The following PTGS2 variants were observed in gnomAD, a reference collection of about 807,000 sequenced individuals.
PTGS2 encodes the protein prostaglandin G/H synthase 2.
PTGS2 carries 14 observed loss-of-function variants against 63.8 expected under a neutral mutation model. That is an observed-to-expected ratio of 0.22 (90% CI 0.14 to 0.34). PTGS2 has a LOEUF of 0.34. Among genes scored for constraint, PTGS2 ranks in the 10% least tolerant of loss-of-function variants. The pLI, the probability that PTGS2 is intolerant of heterozygous loss-of-function variation, is 1.00. For missense variants in PTGS2, 533 were observed against 738.5 expected (o/e 0.72, Z 3.23); for synonymous variants, 271 against 259.5 (o/e 1.04, Z -0.43).
At position 186,680,258 on chromosome 1, in the gene PTGS2, G is replaced by A. The variant is rs1290056894; in HGVS notation, c.33C>T (p.Val11=). MLARALLLCA[V]LALSHTANPC... Reference sequence around the variant, plus strand: ...ACTCACCTGTATGGCTGAGCGCCAGGACCGCGCACAGCAGCAGGGCGCGGG... The same window carrying A: ...ACTCACCTGTATGGCTGAGCGCCAGAACCGCGCACAGCAGCAGGGCGCGGG... The change falls in exon 1 of 10, where the codon GTC becomes GTT. Residue 11 remains valine (V), a synonymous_variant. Coordinates refer to ENST00000367468, the MANE Select transcript of PTGS2 (RefSeq NM_000963.4). The A allele has an allele frequency of 2.2e-5, 34 of 1,547,554 alleles. No homozygotes were observed. Among genetic ancestry groups the A allele is most frequent in the Non-Finnish European group, 3.0e-5 (34 of 1,145,584 alleles).
intron 8 of PTGS2, 122 bp from the exon 9 acceptor site, chr1:186,675,518 C>T: frequency 8.8e-7 from 1 of 1,131,994 alleles, no homozygotes; most frequent in Non-Finnish European, 1.2e-6. Context: ...TTTTTATTTG[C>T]TGGAAAGATG....
rs1665856068 is a variant in PTGS2 at position 186,680,287 on chromosome 1, G to T, written c.4C>A (p.Leu2Ile). ...GCGCACAGCAGCAGGGCGCGGGCGA[G>T]CATCGCAGCGGCGGGCAGGGCGCGG... M[L>I]ARALLLCAVL... Residue 2 changes from leucine (L) to isoleucine (I), a missense_variant, in exon 1 of 10, where the codon CTC becomes ATC. This residue lies in a region of PTGS2 where 118 missense variants were observed against 144.6 expected (regional missense o/e 0.82). Transcript: ENST00000367468. 2 of 1,543,416 alleles carry T rather than the reference G, an allele frequency of 1.3e-6. No homozygotes were observed. Among genetic ancestry groups the T allele is most frequent in the African/African-American group, 1.4e-5 (1 of 72,882 alleles).
intron 5 of PTGS2, 28 bp from the exon 6 acceptor site, chr1:186,676,944 T>A: frequency 6.4e-7 from 1 of 1,559,664 alleles, no homozygotes; most frequent in Non-Finnish European, 8.8e-7. Flanking sequence ...AATTTTAATT[T>A]GTTGCTGTTG....
At chr1:186,677,978 G>A (rs1665811107) in intron 4 of PTGS2, 148 bp from the exon 5 acceptor site, 1 of 731,352 alleles carries the variant, frequency 1.4e-6, no homozygotes, top group South Asian at 2.3e-5. Context: ...AAGATATGGT[G>A]GAACAACTTC....
intron 5 of PTGS2, among the ~76,000 whole-genome samples, chr1:186,677,123 G>A (rs771517865): frequency 7.9e-5 from 12 of 151,740 alleles, no homozygotes; most frequent in East Asian, 1.9e-4. Flanking sequence ...TGTGTTTAAC[G>A]GAATTAATAT....
At chr1:186,675,684 G>T in intron 8 of PTGS2, 1 of 616,682 alleles carries the variant, frequency 1.6e-6, no homozygotes, top group Non-Finnish European at 2.7e-6. Flanking sequence ...TATTTTTAAG[G>T]TAGGGGTACA....
At position 186,676,088 on chromosome 1, in the gene PTGS2, T is replaced by G. The variant is rs1665774748; in HGVS notation, c.1067A>C (p.Gln356Pro). 6.2e-7 allele frequency: 1 copy of G among 1,614,060 alleles called. No individual in the cohort carries two copies. The highest frequency in any genetic ancestry group is 1.3e-5 in the African/African-American group (1 of 74,942). The change falls in exon 8 of 10, where the codon CAA becomes CCA. Residue 356 changes from glutamine to proline, a missense_variant. This residue lies in a region of PTGS2 where 67 missense variants were observed against 152.6 expected (regional missense o/e 0.44). Transcript: ENST00000367468. ...AGCAATACGATTTTGGTACTGGAAT[T>G]GTTTGTTGAAAAGTAGTTCTGGGTC... ...KFDPELLFNK[Q>P]FQYQNRIAAE...
chr1:186,674,762 C>T lies in PTGS2; in HGVS notation c.1406G>A (p.Gly469Glu). 6.3e-7 allele frequency: 1 copy of T among 1,598,590 alleles called. No individual in the cohort carries two copies. The highest frequency in any genetic ancestry group is 8.5e-7 in the Non-Finnish European group (1 of 1,173,040). The change falls in exon 10 of 10, where the codon GGA becomes GAA. Residue 469 changes from glycine to glutamate, a missense_variant and splice_region_variant. This residue lies in a region of PTGS2 where 219 missense variants were observed against 267.4 expected (regional missense o/e 0.82). Coordinates refer to ENST00000367468, the MANE Select transcript of PTGS2 (RefSeq NM_000963.4). ...KPYESFEELTGEKEMSAELEA... is the reference protein window; with the variant it reads ...KPYESFEELTEEKEMSAELEA... ...CAACTCTGCAGACATTTCCTTTTCT[C>T]CTGTGAAGGCGATGAAGACAGAGAT...
chr1:186,677,510 G>A (rs997696437), intron 5 of PTGS2, 139 bp downstream of exon 5: 11 of 896,420 alleles, frequency 1.2e-5, no homozygotes, highest in Admixed American at 3.3e-5. Flanking sequence ...TTCCTTTAAG[G>A]TTTTTATAGA....
Position 186,674,359 on chromosome 1 carries a change from T to G in PTGS2, c.1809A>C (p.Glu603Asp). 6.2e-7 allele frequency: 1 copy of G among 1,604,566 alleles called. No homozygotes were observed. Among genetic ancestry groups the G allele is most frequent in the Non-Finnish European group, 8.5e-7 (1 of 1,172,964 alleles). Residue 603 changes from glutamate to aspartate, a missense_variant, in exon 10 of 10, where the codon GAA becomes GAC. Transcript: ENST00000367468. ...AAATATGATCATTAGACTTCTACAG[T>G]TCAGTCGAACGTTCTTTTAGTAGTA... ...PTVLLKERST[E>D]L
chr1:186,679,229 G>T lies in PTGS2; in HGVS notation c.170-28C>A, dbSNP rs771931145. 2.5e-6 allele frequency: 4 copies of T among 1,612,556 alleles called. No individual in the cohort carries two copies. In the East Asian group the frequency reaches 6.7e-5, roughly 27 times the overall value. On this transcript the variant is annotated intron_variant, in intron 2 of 9. Coordinates refer to ENST00000367468, the MANE Select transcript of PTGS2 (RefSeq NM_000963.4). ...GCAAGAAGACGAAGAAAGGGAGGGA[G>T]AAATTAATGGGACTCATTATAAGAC...
At chr1:186,678,140 G>C in intron 4 of PTGS2, 121 bp downstream of exon 4, 1 of 1,061,190 alleles carries the variant, frequency 9.4e-7, no homozygotes, top group Non-Finnish European at 1.3e-6. Flanking sequence ...AGATAACCAT[G>C]CTAAAAGTAA....
intron 2 of PTGS2, 25 bp downstream of exon 2, chr1:186,679,297 T>A (rs764376491): frequency 1.2e-6 from 2 of 1,613,718 alleles, no homozygotes; most frequent in Non-Finnish European, 1.7e-6. Flanking sequence ...CCACTCCTAA[T>A]GAGGCAACCA....
At chr1:186,675,595 C>T in intron 8 of PTGS2, 199 bp from the exon 9 acceptor site, 1 of 673,622 alleles carries the variant, frequency 1.5e-6, no homozygotes. Context: ...ACTAATTTGC[C>T]TTTTTACATT....
chr1:186,679,113 G>A lies in PTGS2; in HGVS notation c.258C>T (p.Asn86=), dbSNP rs773231889. 14 of 1,613,966 alleles carry A rather than the reference G, an allele frequency of 8.7e-6. No individual in the cohort carries two copies. The highest frequency in any genetic ancestry group is 6.7e-5 in the East Asian group (3 of 44,890). Residue 86 remains asparagine (N), a synonymous_variant, in exon 3 of 10, where the codon AAC becomes AAT. Transcript: ENST00000367468. ...GAAGGAAGGGAATGTTATTCACAAC[G>A]TTCCAAAATCCCTTGAAGTGGGTAA... ...YILTHFKGFW[N]VVNNIPFLRN...
chr1:186,673,260 A>G lies in PTGS2; in HGVS notation c.*1093T>C, dbSNP rs1013645474. On this transcript the variant is annotated 3_prime_UTR_variant, in exon 10 of 10. Coordinates refer to ENST00000367468, the MANE Select transcript of PTGS2 (RefSeq NM_000963.4). ...TTTGCAATGTGATATGGACTGCTAA[A>G]TTAAACTGTACAACAGAAAATCTGA... The G allele has an allele frequency of 3.9e-5, 6 of 152,188 alleles. No individual in the cohort carries two copies. Among genetic ancestry groups the G allele is most frequent in the African/African-American group, 1.4e-4 (6 of 41,456 alleles). The allele number at this position is 152,188 out of a possible 1,614,324, so 9.4% of individuals were successfully genotyped here.
rs200842448 is a variant in PTGS2, at chr1:186,677,810, A to G, written c.478T>C (p.Ser160Pro). The G allele has an allele frequency of 6.2e-7, 1 of 1,613,530 alleles. No homozygotes were observed. The highest frequency in any genetic ancestry group is 1.1e-5 in the South Asian group (1 of 90,950). Residue 160 changes from serine (S) to proline (P), a missense_variant, in exon 5 of 10, where the codon TCA (serine) becomes CCA (proline). By Grantham distance (74) the Ser-to-Pro change is moderately conservative (BLOSUM62 -1). Around this residue, in one of 5 missense-constraint regions of PTGS2, gnomAD observed 118 missense variants for 138.7 expected, o/e 0.85. Transcript: ENST00000367468. ...AGCAATTTTTCCACAATCTCATTTG[A>G]ATCAGGAAGCTGCTTTTTACCTGAA... ...GVKGKKQLPD[S>P]NEIVEKLLLR...
At position 186,674,679 on chromosome 1, in the gene PTGS2, T is replaced by C. The variant is rs1338469357; in HGVS notation, c.1489A>G (p.Lys497Glu). ...VELYPALLVE[K>E]PRPDAIFGET... Reference sequence around the variant, plus strand: ...CCAAAGATGGCATCTGGCCGAGGCTTTTCTACCAGAAGGGCAGGATACAGC... The same window carrying C: ...CCAAAGATGGCATCTGGCCGAGGCTCTTCTACCAGAAGGGCAGGATACAGC... Residue 497 changes from lysine (K) to glutamate (E), a missense_variant, in exon 10 of 10, where the codon AAG becomes GAG. Lys to Glu is a moderately conservative substitution (Grantham distance 56). This residue lies in a region of PTGS2 where 219 missense variants were observed against 267.4 expected (regional missense o/e 0.82). Coordinates refer to ENST00000367468, the MANE Select transcript of PTGS2 (RefSeq NM_000963.4). The C allele has an allele frequency of 1.2e-6, 2 of 1,614,208 alleles. No homozygotes were observed. Among genetic ancestry groups the C allele is most frequent in the Non-Finnish European group, 1.7e-6 (2 of 1,180,036 alleles).
In PTGS2 at chr1:186,672,170, A is replaced by G. The variant is rs1463399234; in HGVS notation, c.*2183T>C. The G allele has an allele frequency of 6.6e-6, 1 of 151,920 alleles. No individual in the cohort carries two copies. 9.4% of individuals were successfully genotyped at this position (151,920 alleles called of 1,614,324 possible). A position where few individuals can be genotyped will look rare whatever the true frequency, so the allele number is the denominator to read the frequency against. On this transcript the variant is annotated 3_prime_UTR_variant, in exon 10 of 10. Coordinates refer to ENST00000367468, the MANE Select transcript of PTGS2 (RefSeq NM_000963.4). ...TTTTTCAATTATTTATATAAATACT[A>G]TTATCTGTAATCAGCGTTTGATTTA...
Sources: allele counts gnomAD v4.1 joint callset (sites outside exome capture counted in the v4.1 genomes callset), GRCh38; gene constraint gnomAD v4.1.1; regional missense constraint gnomAD v4.1.1; transcripts MANE v1.5; gene names NCBI Gene and HGNC (gene_info 2026-07-23, HGNC 2026-07-21).